PCDHA12: variants seen among roughly 807,000 people sequenced by gnomAD.
The protein encoded by PCDHA12 is protocadherin alpha-12.
Under a neutral mutation model 60.0 loss-of-function variants are expected in PCDHA12, and 44 were observed. That is an observed-to-expected ratio of 0.73 (90% CI 0.58 to 0.94). PCDHA12 has a LOEUF of 0.94. Among genes scored for constraint, PCDHA12 ranks in the 40% least tolerant of loss-of-function variants. PCDHA12 has a pLI of 0.00. For missense variants in PCDHA12, 1,276 were observed against 1,239.7 expected, an observed-to-expected ratio of 1.03 and a Z score of -0.44; for synonymous variants, 569 against 553.0, an observed-to-expected ratio of 1.03 and a Z score of -0.40.
chr5:140,929,185 GATA>G (rs1393626283), intron 1 of PCDHA12: 12 of 1,614,168 alleles, frequency 7.4e-6, no homozygotes, highest in Non-Finnish European at 1.0e-5. Flanking sequence ...ACTTGGTTCT[GATA>G]ATAACAGTTT....
In PCDHA12 at chr5:140,964,167, C is replaced by T. The variant is rs370784169; in HGVS notation, c.2368-14782C>T. Reference sequence around the variant, plus strand: ...AGCCTCAGTATAATGGTGTGAGGAACGAAATCATTATAGTGCCAAATAGAG... The same window carrying T: ...AGCCTCAGTATAATGGTGTGAGGAATGAAATCATTATAGTGCCAAATAGAG... On this transcript the variant is annotated intron_variant, in intron 1 of 3. Coordinates refer to ENST00000398631, the MANE Select transcript of PCDHA12 (RefSeq NM_018903.4). Among the ~76,000 whole-genome samples, 16 of 152,250 alleles carry T rather than the reference C, an allele frequency of 1.1e-4. 1 individual carries two copies. The highest frequency in any genetic ancestry group is 3.4e-4 in the African/African-American group (14 of 41,544).
At chr5:140,928,220 C>G in intron 1 of PCDHA12, 1 of 1,614,166 alleles carries the variant, frequency 6.2e-7, no homozygotes. Context: ...GACAATACAC[C>G]AAACTTTCCT....
At chr5:140,969,010 A>C (rs782688503) in intron 1 of PCDHA12, 2 of 1,614,168 alleles carry the variant, frequency 1.2e-6, no homozygotes, top group Admixed American at 3.3e-5. Context: ...TCTGTGGAGT[A>C]AGGGAAAGGT....
intron 3 of PCDHA12, among the ~76,000 whole-genome samples, chr5:140,991,401 T>C (rs1271447254): frequency 6.6e-6 from 1 of 152,218 alleles, no homozygotes; most frequent in Non-Finnish European, 1.5e-5. Context: ...TGTATTTATT[T>C]CCCATTATGC....
rs782631991 is a variant in PCDHA12, at chr5:140,966,741, G to C, written c.2368-12208G>C. The C allele has an allele frequency of 7.5e-4, 1,063 of 1,421,208 alleles. 1 individual carries two copies. The highest frequency in any genetic ancestry group is 9.1e-4 in the Non-Finnish European group (995 of 1,093,108). The allele number at this position is 1,421,208 out of a possible 1,614,324, so 88.0% of individuals were successfully genotyped here. Reference sequence around the variant, plus strand: ...GAAGCTGCCGCCTCCGGCCCTGCCCGGCTGCCTCCGCCGCGGCCAGTGGCT... The same window carrying C: ...GAAGCTGCCGCCTCCGGCCCTGCCCCGCTGCCTCCGCCGCGGCCAGTGGCT... On this transcript the variant is annotated intron_variant, in intron 1 of 3. Transcript: ENST00000398631.
intron 1 of PCDHA12, among the ~76,000 whole-genome samples, chr5:140,963,972 A>G (rs1233467161): frequency 2.0e-5 from 3 of 152,216 alleles, no homozygotes; most frequent in Non-Finnish European, 4.4e-5. Flanking sequence ...GACTGACTCC[A>G]AAGTCTATAT....
At chr5:140,941,204 T>TTTCC (rs1348435161) in intron 1 of PCDHA12, among the ~76,000 whole-genome samples, 2 of 88,662 alleles carry the variant, frequency 2.3e-5, no homozygotes, top group Non-Finnish European at 4.4e-5. Flanking sequence ...TCTTTCTTCC[T>TTTCC]TTCTTTCTTC....
chr5:140,915,513 A>T (rs2077156707), intron 1 of PCDHA12, among the ~76,000 whole-genome samples: 2 of 152,124 alleles, frequency 1.3e-5, no homozygotes, highest in African/African-American at 2.4e-5. Context: ...GTTTTTGCAG[A>T]CTAGTAGAGG....
intron 1 of PCDHA12, among the ~76,000 whole-genome samples, chr5:140,953,847 A>G (rs1165540937): frequency 6.6e-6 from 1 of 152,200 alleles, no homozygotes. Flanking sequence ...CCAGGTAAAC[A>G]TGTGCCATGG....
At position 141,009,660 on chromosome 5, in the gene PCDHA12, G is replaced by C; in HGVS notation, c.2549G>C (p.Gly850Ala). 7 of 1,614,084 alleles carry C rather than the reference G, an allele frequency of 4.3e-6. No homozygotes were observed. Among genetic ancestry groups the C allele is most frequent in the Non-Finnish European group, 5.9e-6 (7 of 1,180,030 alleles). Residue 850 changes from glycine (G) to alanine (A), a missense_variant, in exon 4 of 4, where the codon GGT becomes GCT. Physicochemically the swap from Gly to Ala is moderately conservative, Grantham distance 60 (BLOSUM62 0). Coordinates refer to ENST00000398631, the MANE Select transcript of PCDHA12 (RefSeq NM_018903.4). ...PEAGEVSPPV[G>A]AGVNSNSWTF... ...GCAGGAGAAGTGTCCCCTCCAGTCGGTGCGGGTGTCAACAGCAACAGCTGG... is the reference window on the plus strand; with the variant it reads ...GCAGGAGAAGTGTCCCCTCCAGTCGCTGCGGGTGTCAACAGCAACAGCTGG...
intron 2 of PCDHA12, among the ~76,000 whole-genome samples, chr5:140,980,255 C>T (rs782489996): frequency 2.0e-4 from 31 of 152,210 alleles, no homozygotes; most frequent in Middle Eastern, 3.2e-3. Flanking sequence ...TGGGTAAAAG[C>T]ATGGTTTACA....
At chr5:140,941,221 T>TTCTTTCTTTCTTTCTTTCTC (rs1563186510) in intron 1 of PCDHA12, among the ~76,000 whole-genome samples, 1 of 131,536 alleles carries the variant, frequency 7.6e-6, no homozygotes, top group Admixed American at 7.9e-5. Context: ...CTTCCTTTCT[T>TTCTTTCTTTCTTTCTTTCTC]TCTTTCTTTC....
At chr5:140,882,071 ATGGTGTC>A in intron 1 of PCDHA12, 1 of 864,194 alleles carries the variant, frequency 1.2e-6, no homozygotes, top group Non-Finnish European at 1.7e-6. Context: ...GTTCATGCGC[ATGGTGTC>A]GCTCTTCACT....
intron 1 of PCDHA12, chr5:140,967,339 G>A (rs2153751436): frequency 6.2e-7 from 1 of 1,607,904 alleles, no homozygotes; most frequent in Non-Finnish European, 8.5e-7. Context: ...GCCCCAGCGA[G>A]CACTTCGAGC....
intron 1 of PCDHA12, chr5:140,966,863 C>T: frequency 6.4e-7 from 1 of 1,562,680 alleles, no homozygotes; most frequent in East Asian, 2.3e-5. Flanking sequence ...GCTGCTGTTG[C>T]TGCTGCTGCT....
intron 1 of PCDHA12, among the ~76,000 whole-genome samples, chr5:140,899,105 T>G (rs2153462801): frequency 6.6e-6 from 1 of 152,160 alleles, no homozygotes; most frequent in Non-Finnish European, 1.5e-5. Flanking sequence ...GATAATGGGG[T>G]TTTCTAGATA....
intron 1 of PCDHA12, among the ~76,000 whole-genome samples, chr5:140,904,937 A>C (rs2071485651): frequency 6.6e-6 from 1 of 152,190 alleles, no homozygotes; most frequent in Non-Finnish European, 1.5e-5. Flanking sequence ...GGTTCTGGAT[A>C]TTAGTCCTTT....
chr5:140,921,587 A>G (rs970982898), intron 1 of PCDHA12, among the ~76,000 whole-genome samples: 2 of 152,228 alleles, frequency 1.3e-5, no homozygotes, highest in Non-Finnish European at 2.9e-5. Context: ...ATACTATATT[A>G]TGGTTTCAAA....
At chr5:140,996,597 C>G (rs183031992) in intron 3 of PCDHA12, among the ~76,000 whole-genome samples, 47 of 152,304 alleles carry the variant, frequency 3.1e-4, no homozygotes, top group African/African-American at 1.1e-3. Context: ...CGCCTCCCCC[C>G]ATTTTCATTT....
Sources: gnomAD v4.1 joint callset for allele counts (sites outside exome capture counted in the v4.1 genomes callset) on GRCh38, gnomAD v4.1.1 for gene constraint, MANE v1.5 for transcripts, NCBI Gene and HGNC (gene_info 2026-07-23, HGNC 2026-07-21) for gene names.